The following DLGAP2 variants were observed in gnomAD, a reference collection of about 807,000 sequenced individuals.
DLGAP2 encodes disks large-associated protein 2.
DLGAP2 carries 26 observed loss-of-function variants against 100.3 expected under a neutral mutation model. The ratio of observed to expected loss-of-function variants is 0.26; its 90% CI spans 0.19 to 0.36. DLGAP2 has a LOEUF of 0.36. Among genes scored for constraint, DLGAP2 ranks in the 10% least tolerant of loss-of-function variants. The pLI is 1.00. For synonymous variants in DLGAP2, 886 were observed against 630.1 expected, an observed-to-expected ratio of 1.41 and a Z score of -6.08; for missense variants, 1,858 against 1,453.2, an observed-to-expected ratio of 1.28 and a Z score of -4.53.
chr8:1,656,860 A>G (rs578060637), intron 8 of DLGAP2, among the ~76,000 whole-genome samples: 2 of 152,342 alleles, frequency 1.3e-5, no homozygotes, highest in East Asian at 3.9e-4. Flanking sequence ...CCTTCTGATC[A>G]CAACCCCATT....
chr8:1,464,224 C>CCCTTCCAGAACAGCAA, intron 3 of DLGAP2, among the ~76,000 whole-genome samples: 1 of 144,000 alleles, frequency 6.9e-6, no homozygotes, highest in East Asian at 2.2e-4. Context: ...CAGGACGGCT[C>CCCTTCCAGAACAGCAA]CCTTCCAGGA....
chr8:1,681,138 A>G (rs991707292), intron 12 of DLGAP2, among the ~76,000 whole-genome samples: 1 of 152,226 alleles, frequency 6.6e-6, no homozygotes, highest in African/African-American at 2.4e-5. Context: ...GTATCCTATT[A>G]TCATTTGAGT....
intron 2 of DLGAP2, among the ~76,000 whole-genome samples, chr8:1,218,932 T>TTATTGGATTTC: frequency 6.6e-6 from 1 of 152,282 alleles, no homozygotes; most frequent in Non-Finnish European, 1.5e-5. Context: ...AGCTTGGATG[T>TTATTGGATTTC]TATTGGTGAA....
intron 2 of DLGAP2, among the ~76,000 whole-genome samples, chr8:1,243,280 C>T (rs1412278140): frequency 6.6e-6 from 1 of 152,100 alleles, no homozygotes; most frequent in East Asian, 1.9e-4. Context: ...GGGCTGGTGC[C>T]CTGTAGAGGT....
chr8:738,360 G>T (rs1004793413), intron 1 of DLGAP2, among the ~76,000 whole-genome samples: 2 of 151,686 alleles, frequency 1.3e-5, no homozygotes, highest in Non-Finnish European at 2.9e-5. Flanking sequence ...GGGCGACCAG[G>T]ATGGGGCCCT....
intron 2 of DLGAP2, among the ~76,000 whole-genome samples, chr8:1,024,580 G>A (rs1020089262): frequency 1.2e-4 from 19 of 152,320 alleles, no homozygotes; most frequent in South Asian, 2.1e-4. Context: ...TGGTGGGGGT[G>A]CCTCCTTGCT....
At chr8:1,077,601 C>T (rs997392192) in intron 2 of DLGAP2, among the ~76,000 whole-genome samples, 106 of 152,242 alleles carry the variant, frequency 7.0e-4, no homozygotes, top group African/African-American at 2.4e-3. Flanking sequence ...GGTGTATGCT[C>T]GGGATTGTTT....
chr8:1,300,571 C>A (rs1015024641), intron 3 of DLGAP2: 2 of 152,302 alleles, frequency 1.3e-5, no homozygotes, highest in African/African-American at 4.8e-5. Flanking sequence ...TGTGTGGGGT[C>A]AGCACCCAGC....
intron 2 of DLGAP2, among the ~76,000 whole-genome samples, chr8:1,088,483 G>A (rs538182930): frequency 6.6e-6 from 1 of 152,192 alleles, no homozygotes; most frequent in South Asian, 2.1e-4. Flanking sequence ...CTGAATTTTA[G>A]TCTTTCTCTG....
intron 1 of DLGAP2, among the ~76,000 whole-genome samples, chr8:901,532 G>C (rs1384857594): frequency 2.0e-5 from 3 of 152,234 alleles, no homozygotes; most frequent in East Asian, 3.8e-4. Context: ...GGAACATCCA[G>C]AGAGGAGCGA....
chr8:1,623,895 G>A lies in DLGAP2; in HGVS notation c.1443-2845G>A, dbSNP rs569167705. 3.3e-5 allele frequency among the ~76,000 whole-genome samples: 5 copies of A among 152,344 alleles called. No individual in the cohort carries two copies. In the East Asian group the frequency reaches 7.7e-4, roughly 23 times the overall value. On this transcript the variant is annotated intron_variant, in intron 6 of 14. Coordinates refer to ENST00000637795, the MANE Select transcript of DLGAP2 (RefSeq NM_001346810.2). ...TAAAAAAAATTATTAGCTTTCTTCA[G>A]CGGCAACATTTATGTGTCACACTCC...
At chr8:1,569,281 T>C (rs980610654) in intron 6 of DLGAP2, among the ~76,000 whole-genome samples, 20 of 152,380 alleles carry the variant, frequency 1.3e-4, no homozygotes, top group African/African-American at 4.8e-4. Context: ...CATTGATGAG[T>C]CCAACAAATG....
At chr8:1,360,650 T>C (rs2129655004) in intron 3 of DLGAP2, among the ~76,000 whole-genome samples, 1 of 152,302 alleles carries the variant, frequency 6.6e-6, no homozygotes, top group South Asian at 2.1e-4. Flanking sequence ...CCCCACATCC[T>C]GAAGGCAACT....
rs1213124974 is a variant in DLGAP2 at position 1,180,541 on chromosome 8, C to T, written c.74-78310C>T. On this transcript the variant is annotated intron_variant, in intron 2 of 14. Coordinates refer to ENST00000637795, the MANE Select transcript of DLGAP2 (RefSeq NM_001346810.2). ...CCATGGATTATCTGTTGTAATTTCA[C>T]ACAAGAACCAGTGCGTGTGGCACAC... Among the ~76,000 whole-genome samples, 3 of 148,190 alleles carry T rather than the reference C, an allele frequency of 2.0e-5. No individual in the cohort carries two copies. In the East Asian group the frequency reaches 5.9e-4, roughly 29 times the overall value.
At chr8:1,591,902 G>T (rs1178812232) in intron 6 of DLGAP2, among the ~76,000 whole-genome samples, 2 of 152,206 alleles carry the variant, frequency 1.3e-5, no homozygotes, top group Non-Finnish European at 2.9e-5. Flanking sequence ...TCCCAGGGAG[G>T]TTCCTCCCAC....
intron 2 of DLGAP2, among the ~76,000 whole-genome samples, chr8:1,188,021 G>A (rs36076800): frequency 0.15 from 16,053 of 109,486 alleles, 1,042 homozygotes; most frequent in East Asian, 0.33. Context: ...TCACACGCCC[G>A]GGACTTCCGT....
intron 2 of DLGAP2, among the ~76,000 whole-genome samples, chr8:1,096,497 C>T (rs980686692): frequency 6.6e-6 from 1 of 151,372 alleles, no homozygotes; most frequent in Non-Finnish European, 1.5e-5. Flanking sequence ...TCGAGGGACT[C>T]ATCAAGCTCT....
Position 1,226,436 on chromosome 8 carries a change from C to T in DLGAP2, c.74-32415C>T, listed in dbSNP as rs564966101. On this transcript the variant is annotated intron_variant, in intron 2 of 14. Coordinates refer to ENST00000637795, the MANE Select transcript of DLGAP2 (RefSeq NM_001346810.2). ...GCTGAACAATGAGAAGGTATGGACA[C>T]AGGAGGGAGGAGAACAACACACACA... Among the ~76,000 whole-genome samples, 3 of 152,142 alleles carry T rather than the reference C, an allele frequency of 2.0e-5. No homozygotes were observed. In the South Asian group the frequency reaches 6.2e-4, roughly 32 times the overall value.
intron 2 of DLGAP2, among the ~76,000 whole-genome samples, chr8:1,151,302 A>C (rs962803336): frequency 6.6e-6 from 1 of 152,220 alleles, no homozygotes; most frequent in African/African-American, 2.4e-5. Context: ...TTTTACATGC[A>C]CAGTAAAAAT....
Sources: gnomAD v4.1 joint callset for allele counts (sites outside exome capture counted in the v4.1 genomes callset) on GRCh38, gnomAD v4.1.1 for gene constraint, MANE v1.5 for transcripts, NCBI Gene and HGNC (gene_info 2026-07-23, HGNC 2026-07-21) for gene names.